RFX3: variants seen among roughly 807,000 people sequenced by gnomAD.
RFX3 encodes transcription factor RFX3.
In RFX3, 14 loss-of-function variants were observed where a neutral mutation model predicts 98.6. That is an observed-to-expected ratio of 0.14 (90% confidence interval 0.09 to 0.22). The LOEUF is 0.22. Ranked by LOEUF, RFX3 falls within the 10% of genes least tolerant of loss-of-function variation. RFX3 has a pLI of 1.00. For missense variants in RFX3, 639 were observed against 926.9 expected (o/e 0.69, Z 4.03); for synonymous variants, 383 against 328.4 (o/e 1.17, Z -1.80).
intron 1 of RFX3, among the ~76,000 whole-genome samples, chr9:3,518,135 T>C (rs1818355920): frequency 6.6e-6 from 1 of 152,236 alleles, no homozygotes; most frequent in Non-Finnish European, 1.5e-5. Flanking sequence ...CATAGGCGTG[T>C]AGCAGGCTAT....
rs773719943 is a variant in RFX3 at position 3,296,668 on chromosome 9, G to C, written c.550-3410C>G. Among the ~76,000 whole-genome samples, 15 of 152,192 alleles carry C rather than the reference G, an allele frequency of 9.9e-5. No individual in the cohort carries two copies. The East Asian group carries it at 2.9e-3, about 29-fold the overall frequency. Reference sequence around the variant, plus strand: ...AGCTACGTTTTGTTCCCTACCCGTTGTATGCAGAAGGAGGAACTGTATTCC... The same window carrying C: ...AGCTACGTTTTGTTCCCTACCCGTTCTATGCAGAAGGAGGAACTGTATTCC... On this transcript the variant is annotated intron_variant, in intron 5 of 16. Transcript: ENST00000617270.
intron 2 of RFX3, among the ~76,000 whole-genome samples, chr9:3,369,058 T>A: frequency 6.6e-6 from 1 of 152,174 alleles, no homozygotes; most frequent in East Asian, 1.9e-4. Flanking sequence ...ACAAGTAGCT[T>A]TGAGCTTCCA....
At position 3,221,131 on chromosome 9, in the gene RFX3, GT is replaced by G. The variant is rs1817321821; in HGVS notation, c.*3910del. 6.6e-6 allele frequency: 1 copy of G among 152,028 alleles called. No homozygotes were observed. Among genetic ancestry groups the G allele is most frequent in the African/African-American group, 2.4e-5 (1 of 41,424 alleles). The allele number at this position is 152,028 out of a possible 1,614,324, so 9.4% of individuals were successfully genotyped here. ...ATTGTACACAAAGGTGACTTGCCAA[GT>G]TTTTTCTTTCTACTTGTGTCCACAC... On this transcript the variant is annotated 3_prime_UTR_variant, in exon 17 of 17. Transcript: ENST00000617270.
chr9:3,336,013 A>G (rs569431821), intron 3 of RFX3, among the ~76,000 whole-genome samples: 10 of 152,294 alleles, frequency 6.6e-5, no homozygotes, highest in African/African-American at 2.4e-4. Context: ...GATACTCAGT[A>G]TCTCTAAATT....
chr9:3,351,029 T>A (rs986887665), intron 2 of RFX3, among the ~76,000 whole-genome samples: 17 of 152,108 alleles, frequency 1.1e-4, no homozygotes, highest in African/African-American at 3.6e-4. Flanking sequence ...CATGTCATTA[T>A]ACATTTGTTC....
intron 1 of RFX3, among the ~76,000 whole-genome samples, chr9:3,468,959 C>G (rs556638905): frequency 1.1e-4 from 16 of 151,856 alleles, no homozygotes; most frequent in African/African-American, 3.6e-4. Flanking sequence ...AAAACCAATT[C>G]ATTTAATATT....
chr9:3,462,932 G>C (rs992258932), intron 1 of RFX3, among the ~76,000 whole-genome samples: 3 of 152,052 alleles, frequency 2.0e-5, no homozygotes, highest in Non-Finnish European at 4.4e-5. Flanking sequence ...AGTAAAGAAA[G>C]AGACATATCA....
intron 15 of RFX3, among the ~76,000 whole-genome samples, chr9:3,240,028 A>C (rs1449108124): frequency 1.3e-5 from 2 of 152,194 alleles, no homozygotes; most frequent in East Asian, 3.9e-4. Context: ...GGTGTCCACA[A>C]ATCTGAGCAC....
intron 1 of RFX3, among the ~76,000 whole-genome samples, chr9:3,455,598 C>T (rs1436259948): frequency 6.6e-6 from 1 of 152,142 alleles, no homozygotes; most frequent in Non-Finnish European, 1.5e-5. Flanking sequence ...ATGCTTGGCA[C>T]AATTTTCAGC....
At chr9:3,398,342 A>C (rs941361771) in intron 1 of RFX3, among the ~76,000 whole-genome samples, 39 of 143,552 alleles carry the variant, frequency 2.7e-4, no homozygotes, top group Non-Finnish European at 4.9e-4. Context: ...CAGGAAACAA[A>C]AAAAAAAAAT....
chr9:3,320,263 T>G (rs1014697027), intron 4 of RFX3, among the ~76,000 whole-genome samples: 2 of 152,056 alleles, frequency 1.3e-5, no homozygotes, highest in African/African-American at 4.8e-5. Context: ...AAAGACATCT[T>G]TAGGATTGGC....
chr9:3,504,177 T>TATTA (rs1225520049), intron 1 of RFX3, among the ~76,000 whole-genome samples: 1 of 92,770 alleles, frequency 1.1e-5, no homozygotes, highest in African/African-American at 8.8e-5. Context: ...ATATTATATA[T>TATTA]TATACATATT....
In RFX3 at chr9:3,218,345, A is replaced by G. The variant is rs1283498195; in HGVS notation, c.*6697T>C. On this transcript the variant is annotated 3_prime_UTR_variant, in exon 17 of 17. Transcript: ENST00000617270. ...TATTGATTTTAAAAGACAAGACACC[A>G]TTTTGTTTTGAAAAACACAAGAAAG... 3 of 152,186 alleles carry G rather than the reference A, an allele frequency of 2.0e-5. No individual in the cohort carries two copies. The highest frequency in any genetic ancestry group is 4.4e-5 in the Non-Finnish European group (3 of 68,018). The allele number at this position is 152,186 out of a possible 1,614,324, so 9.4% of individuals were successfully genotyped here.
intron 1 of RFX3, among the ~76,000 whole-genome samples, chr9:3,407,738 T>C (rs561228392): frequency 1.8e-4 from 28 of 152,340 alleles, no homozygotes; most frequent in African/African-American, 6.0e-4. Context: ...TTTTCCGTGA[T>C]AGATCATCCT....
intron 1 of RFX3, among the ~76,000 whole-genome samples, chr9:3,495,155 A>T (rs1461288704): frequency 6.6e-6 from 1 of 151,794 alleles, no homozygotes; most frequent in Non-Finnish European, 1.5e-5. Flanking sequence ...TCAACCATTC[A>T]AAGTGCTCAG....
intron 3 of RFX3, among the ~76,000 whole-genome samples, chr9:3,337,677 C>T (rs1359236557): frequency 3.9e-5 from 6 of 152,174 alleles, no homozygotes; most frequent in Non-Finnish European, 7.3e-5. Flanking sequence ...CTCTGTGCTA[C>T]GGTTTTGTGC....
chr9:3,512,359 C>T (rs182533162), intron 1 of RFX3, among the ~76,000 whole-genome samples: 9 of 151,950 alleles, frequency 5.9e-5, no homozygotes, highest in East Asian at 1.9e-4. Context: ...TATTATACTA[C>T]TCCAGTGTAA....
intron 2 of RFX3, among the ~76,000 whole-genome samples, chr9:3,380,695 T>C (rs1014644433): frequency 6.6e-6 from 1 of 152,198 alleles, no homozygotes; most frequent in African/African-American, 2.4e-5. Flanking sequence ...CCACATTAAA[T>C]GAATGCTAAC....
intron 2 of RFX3, among the ~76,000 whole-genome samples, chr9:3,352,399 C>A (rs1170736269): frequency 6.6e-6 from 1 of 151,890 alleles, no homozygotes; most frequent in Non-Finnish European, 1.5e-5. Context: ...AAAAAACTAT[C>A]ATCTTTTATT....
Sources: allele counts gnomAD v4.1 joint callset (sites outside exome capture counted in the v4.1 genomes callset), GRCh38; gene constraint gnomAD v4.1.1; transcripts MANE v1.5; gene names NCBI Gene and HGNC (gene_info 2026-07-23, HGNC 2026-07-21).